C22orf31: variants seen among roughly 807,000 people sequenced by gnomAD.
The protein encoded by C22orf31 is uncharacterized protein C22orf31.
A neutral mutation model predicts 15.0 loss-of-function variants in C22orf31; 11 were observed. The observed-to-expected ratio is 0.73, with a 90% CI of 0.46 to 1.21. The LOEUF is 1.21. Ranked by LOEUF, C22orf31 falls within the 50% of genes most tolerant of loss-of-function variation. C22orf31 has a pLI of 0.00. For synonymous variants in C22orf31, 132 were observed against 133.3 expected (o/e 0.99, Z 0.07); for missense variants, 340 against 347.2 (o/e 0.98, Z 0.17).
rs769684370 is a variant in C22orf31, at chr22:29,059,001, A to G, written c.614T>C (p.Ile205Thr). ...RQQLSEDTLT[I>T]HGLPTEGYQA... ...GTAACCCTCTGTGGGGAGACCATGG[A>G]TGGTTAGCGTGTCCTCCGACAACTG... Residue 205 changes from isoleucine to threonine, a missense_variant, in exon 3 of 3, where the codon ATC becomes ACC. Coordinates refer to ENST00000216071, the MANE Select transcript of C22orf31 (RefSeq NM_015370.2). 2.5e-6 allele frequency: 4 copies of G among 1,613,996 alleles called. No homozygotes were observed. In the Admixed American group the frequency reaches 6.7e-5, roughly 27 times the overall value.
At chr22:29,061,836 G>A (rs775877715), upstream of C22orf31, 14 of 1,450,368 alleles carry the variant, frequency 9.7e-6, no homozygotes, top group East Asian at 3.0e-4. Flanking sequence ...TTAGTAAGGG[G>A]AAGAAATATG....
At position 29,059,044 on chromosome 22, in the gene C22orf31, C is replaced by G; in HGVS notation, c.571G>C (p.Glu191Gln). 6.2e-7 allele frequency: 1 copy of G among 1,614,242 alleles called. No homozygotes were observed. Among genetic ancestry groups the G allele is most frequent in the East Asian group, 2.2e-5 (1 of 44,882 alleles). The change falls in exon 3 of 3, where the codon GAA (glutamate) becomes CAA (glutamine). Residue 191 changes from glutamate to glutamine, a missense_variant. By Grantham distance (29) the Glu-to-Gln change is conservative. Transcript: ENST00000216071. The part of the protein sequence containing the change: ...AAWKGRVLLP[E>Q]TQKRQQLSED... ...GACAACTGCTGTCTCTTTTGGGTTT[C>G]AGGAAGCAACACTCGGCCCTTCCAG...
rs752647442 is a variant in C22orf31 at position 29,060,545 on chromosome 22, A to C, written c.302T>G (p.Leu101Arg). 1 of 1,614,066 alleles carries C rather than the reference A, an allele frequency of 6.2e-7. No individual in the cohort carries two copies. The highest frequency in any genetic ancestry group is 8.5e-7 in the Non-Finnish European group (1 of 1,180,024). Residue 101 changes from leucine to arginine, a missense_variant, in exon 2 of 3, where the codon CTC (leucine) becomes CGC (arginine). Transcript: ENST00000216071. The stretch of plus-strand genomic sequence containing the variant: ...GTCCTTGTGCTTTAATCTCTTCGAG[A>C]GTTTTCCTTCTCCAAACTTGCATGG... ...PPPCKFGEGK[L>R]SKRLKHKDDS...
chr22:29,068,595 A>T, the C22orf31 span, among the ~76,000 whole-genome samples: 16 of 151,328 alleles, frequency 1.1e-4, no homozygotes, highest in Admixed American at 9.9e-4. Context: ...TATTTTTAGT[A>T]GAGACGGGGT....
chr22:29,062,126 A>G (rs969890671), upstream of C22orf31, among the ~76,000 whole-genome samples: 2 of 152,188 alleles, frequency 1.3e-5, no homozygotes, highest in Admixed American at 6.5e-5. Context: ...AAACTTCTGA[A>G]GTCCTCATTT....
the C22orf31 span, among the ~76,000 whole-genome samples, chr22:29,067,970 A>C: frequency 6.6e-6 from 1 of 151,974 alleles, no homozygotes; most frequent in Admixed American, 6.6e-5. Context: ...CCAGCTACTG[A>C]GTCTGAGGTG....
chr22:29,059,305 C>T, intron 2 of C22orf31, 123 bp from the exon 3 acceptor site: 1 of 745,170 alleles, frequency 1.3e-6, no homozygotes, highest in Admixed American at 2.8e-5. Flanking sequence ...CTAGCATGTT[C>T]TAGTTTACTG....
the C22orf31 span, among the ~76,000 whole-genome samples, chr22:29,071,362 C>T: frequency 6.6e-6 from 1 of 151,874 alleles, no homozygotes; most frequent in Non-Finnish European, 1.5e-5. Flanking sequence ...GAGGTAGCTG[C>T]GCCCTTGGGG....
chr22:29,073,139 G>A, the C22orf31 span: 2 of 1,083,182 alleles, frequency 1.8e-6, no homozygotes, highest in East Asian at 6.7e-5. This position sits in a 1 kb window ranked among gnomAD's most constrained non-coding sequence, Gnocchi z 4.4. Flanking sequence ...CCATGGCGCC[G>A]CCAGCCGCCC....
chr22:29,068,465 C>G, the C22orf31 span, among the ~76,000 whole-genome samples: 9 of 145,278 alleles, frequency 6.2e-5, no homozygotes, highest in South Asian at 1.7e-3. Flanking sequence ...GGCTGGAGTG[C>G]AGTAGTGTGA....
chr22:29,067,769 G>T, the C22orf31 span, among the ~76,000 whole-genome samples: 1 of 152,112 alleles, frequency 6.6e-6, no homozygotes, highest in East Asian at 1.9e-4. Context: ...TAGAGACAGG[G>T]TCTGGCTTTC....
At chr22:29,072,605 A>C in the C22orf31 span, among the ~76,000 whole-genome samples, 1 of 152,220 alleles carries the variant, frequency 6.6e-6, no homozygotes, top group African/African-American at 2.4e-5. Flanking sequence ...CATTACGATG[A>C]GCTAAGCAAG....
chr22:29,062,770 T>C (rs1288242143), upstream of C22orf31, among the ~76,000 whole-genome samples: 2 of 152,138 alleles, frequency 1.3e-5, no homozygotes, highest in African/African-American at 2.4e-5. Context: ...CCTCCAGGCC[T>C]ATGGCAGCTG....
At chr22:29,073,268 C>T in the C22orf31 span, 1 of 955,140 alleles carries the variant, frequency 1.0e-6, no homozygotes, top group Non-Finnish European at 1.3e-6. This position sits in a 1 kb window ranked among gnomAD's most constrained non-coding sequence, Gnocchi z 4.4. Context: ...CTGAGCGGAG[C>T]CCACTCGAGG....
chr22:29,068,752 C>T, the C22orf31 span, among the ~76,000 whole-genome samples: 5 of 135,488 alleles, frequency 3.7e-5, no homozygotes, highest in Non-Finnish European at 7.7e-5. Context: ...GGTGGCTCAA[C>T]CTGGTACTTT....
intron 2 of C22orf31, chr22:29,059,677 A>G (rs1385045712): frequency 1.0e-6 from 1 of 982,416 alleles, no homozygotes; most frequent in Non-Finnish European, 1.2e-6. Flanking sequence ...CCACGGGGTA[A>G]CATACCTGGA....
chr22:29,064,737 C>G (rs2037418141), upstream of C22orf31, among the ~76,000 whole-genome samples: 1 of 114,746 alleles, frequency 8.7e-6, no homozygotes, highest in Admixed American at 1.2e-4. Flanking sequence ...GATGAGGTCT[C>G]CCTGTGTTGC....
chr22:29,073,769 A>G, the C22orf31 span, among the ~76,000 whole-genome samples: 1 of 140,708 alleles, frequency 7.1e-6, no homozygotes, highest in South Asian at 2.3e-4. This position sits in a 1 kb window ranked among gnomAD's most constrained non-coding sequence, Gnocchi z 4.4. Context: ...GCTCCCCGGT[A>G]CCTCCTGGGA....
chr22:29,059,992 T>C, intron 2 of C22orf31: 1 of 977,472 alleles, frequency 1.0e-6, no homozygotes, highest in South Asian at 4.7e-5. Flanking sequence ...TAGGATTTCC[T>C]TCACTTGGTA....
Sources: gnomAD v4.1 joint callset for allele counts (sites outside exome capture counted in the v4.1 genomes callset) on GRCh38, gnomAD v4.1.1 for gene constraint, Gnocchi (gnomAD v3.1) non-coding constraint, MANE v1.5 for transcripts, NCBI Gene and HGNC (gene_info 2026-07-23, HGNC 2026-07-21) for gene names.